RIGI: variants seen among roughly 807,000 people sequenced by gnomAD.
RIGI encodes the protein RNA sensor RIG-I.
At chr9:32,458,091 G>A in the RIGI span, among the ~76,000 whole-genome samples, 1 of 152,138 alleles carries the variant, frequency 6.6e-6, no homozygotes, top group South Asian at 2.1e-4. Flanking sequence ...GCTGATGAGA[G>A]ATTTCTGCTT....
At chr9:32,466,825 G>A in the RIGI span, among the ~76,000 whole-genome samples, 23 of 151,650 alleles carry the variant, frequency 1.5e-4, no homozygotes, top group Non-Finnish European at 2.4e-4. Flanking sequence ...TTAGACAGCC[G>A]TACTGTCAGA....
At chr9:32,462,304 A>G in the RIGI span, among the ~76,000 whole-genome samples, 3 of 151,024 alleles carry the variant, frequency 2.0e-5, no homozygotes, top group South Asian at 2.1e-4. Flanking sequence ...CCTCCCCCTT[A>G]TATCTTTTAA....
At chr9:32,488,654 C>A in the RIGI span, 2 of 1,380,376 alleles carry the variant, frequency 1.4e-6, no homozygotes, top group Non-Finnish European at 1.9e-6. Context: ...TTTTTTAAAT[C>A]ATTTGTCAAA....
the RIGI span, chr9:32,485,530 TC>T: frequency 3.2e-5 from 15 of 474,630 alleles, no homozygotes; most frequent in East Asian, 1.0e-4. Context: ...CTAACTAGCT[TC>T]TTTTTTTTTT....
At chr9:32,490,457 G>GT in the RIGI span, among the ~76,000 whole-genome samples, 39 of 148,160 alleles carry the variant, frequency 2.6e-4, no homozygotes, top group South Asian at 4.3e-4. Flanking sequence ...TCATGTATCT[G>GT]TTTTTTTTTT....
At chr9:32,497,715 C>T in the RIGI span, among the ~76,000 whole-genome samples, 2 of 152,176 alleles carry the variant, frequency 1.3e-5, no homozygotes, top group South Asian at 4.1e-4. Flanking sequence ...CCACTGCACT[C>T]CATCCAGCCT....
At chr9:32,468,491 A>G in the RIGI span, among the ~76,000 whole-genome samples, 1 of 152,016 alleles carries the variant, frequency 6.6e-6, no homozygotes, top group African/African-American at 2.4e-5. Context: ...CACAGGGAGA[A>G]CCCATCTCTA....
the RIGI span, chr9:32,472,959 C>T: frequency 1.3e-6 from 2 of 1,581,614 alleles, no homozygotes; most frequent in Non-Finnish European, 1.7e-6. Context: ...AAATCTAATT[C>T]ACTATATATA....
At chr9:32,459,078 G>A in the RIGI span, among the ~76,000 whole-genome samples, 11 of 151,516 alleles carry the variant, frequency 7.3e-5, no homozygotes, top group Admixed American at 4.0e-4. Context: ...TAGTAGAGAC[G>A]GGGTTTCACC....
At chr9:32,459,521 C>T in the RIGI span, 6,754 of 1,599,598 alleles carry the variant, frequency 4.2e-3, 60 homozygotes, top group Middle Eastern at 0.027. Flanking sequence ...GAATCTAATG[C>T]AAAAAGAAAG....
At chr9:32,520,508 T>C in the RIGI span, among the ~76,000 whole-genome samples, 2 of 152,278 alleles carry the variant, frequency 1.3e-5, no homozygotes, top group Middle Eastern at 6.8e-3. Flanking sequence ...TGAAGCCTCG[T>C]CTTCAGACTC....
chr9:32,502,572 C>T, the RIGI span, among the ~76,000 whole-genome samples: 71 of 152,292 alleles, frequency 4.7e-4, no homozygotes, highest in East Asian at 3.9e-4. Context: ...GCTGCAATAA[C>T]GAATTAGGAC....
the RIGI span, among the ~76,000 whole-genome samples, chr9:32,506,287 T>C: frequency 6.6e-6 from 1 of 152,138 alleles, no homozygotes; most frequent in South Asian, 2.1e-4. Context: ...GTTAATACAT[T>C]TTCCCCAACT....
chr9:32,460,067 T>A, the RIGI span, among the ~76,000 whole-genome samples: 4 of 152,204 alleles, frequency 2.6e-5, no homozygotes, highest in African/African-American at 9.6e-5. Context: ...TTTCCTGTGC[T>A]ATTCTTATGA....
At chr9:32,492,445 G>A in the RIGI span, 1 of 1,614,044 alleles carries the variant, frequency 6.2e-7, no homozygotes, top group Non-Finnish European at 8.5e-7. Context: ...TCCAAAGCAA[G>A]TTTCAAAGTT....
the RIGI span, among the ~76,000 whole-genome samples, chr9:32,463,821 T>G: frequency 5.3e-5 from 8 of 151,298 alleles, no homozygotes; most frequent in Non-Finnish European, 8.8e-5. Flanking sequence ...AGAATGAACT[T>G]TCTTTCACCC....
chr9:32,502,186 T>C, the RIGI span, among the ~76,000 whole-genome samples: 1 of 152,232 alleles, frequency 6.6e-6, no homozygotes, highest in Admixed American at 6.5e-5. Flanking sequence ...TAGCACGTTA[T>C]TATTCATTCC....
At chr9:32,459,472 G>A in the RIGI span, 12 of 1,612,662 alleles carry the variant, frequency 7.4e-6, no homozygotes, top group Admixed American at 6.7e-5. Context: ...GGTTTTTCTT[G>A]ACTATCTCTG....
At chr9:32,501,083 G>T in the RIGI span, 2 of 1,036,202 alleles carry the variant, frequency 1.9e-6, no homozygotes, top group Non-Finnish European at 2.8e-6. Flanking sequence ...TGGAGAAGCA[G>T]CAAAACCTCT....
Sources: gnomAD v4.1 joint callset for allele counts (sites outside exome capture counted in the v4.1 genomes callset) on GRCh38, gnomAD v4.1.1 for gene constraint, MANE v1.5 for transcripts, NCBI Gene and HGNC (gene_info 2026-07-23, HGNC 2026-07-21) for gene names.